Variants in HOOK3 observed in about 807,000 individuals in gnomAD.
The protein encoded by HOOK3 is protein Hook homolog 3.
HOOK3 carries 24 observed loss-of-function variants against 116.3 expected under a neutral mutation model. The ratio of observed to expected loss-of-function variants is 0.21; its 90% CI spans 0.15 to 0.29. The LOEUF is 0.29. HOOK3 is among the 10% of genes least tolerant of loss of function. The pLI is 1.00. For missense variants in HOOK3, 632 were observed against 830.2 expected (o/e 0.76, Z 2.93); for synonymous variants, 275 against 283.0 (o/e 0.97, Z 0.28).
intron 11 of HOOK3, among the ~76,000 whole-genome samples, chr8:42,972,679 C>T (rs1226923925): frequency 2.6e-5 from 4 of 152,276 alleles, no homozygotes; most frequent in East Asian, 1.9e-4. Flanking sequence ...GGATTACAGG[C>T]GTGAGCCACT....
At position 43,023,676 on chromosome 8, in the gene HOOK3, G is replaced by T; in HGVS notation, c.*5178G>T. On this transcript the variant is annotated 3_prime_UTR_variant, in exon 22 of 22. Transcript: ENST00000307602. ...GGGTTTCACCATGTTGGCCAGGCTG[G>T]TCTCTAACTCCTGACCTCAGGTGAT... is the stretch of plus-strand genomic sequence containing the variant. 1 of 178,726 alleles carries T rather than the reference G, an allele frequency of 5.6e-6. No individual in the cohort carries two copies. Among genetic ancestry groups the T allele is most frequent in the Non-Finnish European group, 1.2e-5 (1 of 83,356 alleles). 11.1% of individuals were successfully genotyped at this position (178,726 alleles called of 1,614,324 possible).
At chr8:42,909,537 C>T (rs1807381472) in intron 2 of HOOK3, among the ~76,000 whole-genome samples, 4 of 152,222 alleles carry the variant, frequency 2.6e-5, no homozygotes, top group Admixed American at 2.6e-4. Flanking sequence ...GACCAGGGCT[C>T]ACTGCAGCCT....
At position 43,024,829 on chromosome 8, in the gene HOOK3, C is replaced by A. The variant is rs1274668080; in HGVS notation, c.*6331C>A. ...CTAACAGAGCTAATTTCCACCCAATCCCTCAAATTACCGAAGTATTAATAT... is the reference window on the plus strand; with the variant it reads ...CTAACAGAGCTAATTTCCACCCAATACCTCAAATTACCGAAGTATTAATAT... On this transcript the variant is annotated 3_prime_UTR_variant, in exon 22 of 22. Transcript: ENST00000307602. 3 of 206,712 alleles carry A rather than the reference C, an allele frequency of 1.5e-5. No individual in the cohort carries two copies. Among genetic ancestry groups the A allele is most frequent in the African/African-American group, 2.3e-5 (1 of 43,852 alleles). 12.8% of individuals were successfully genotyped at this position (206,712 alleles called of 1,614,324 possible).
chr8:42,973,733 AGC>A (rs1808768110), intron 12 of HOOK3, among the ~76,000 whole-genome samples: 2 of 152,190 alleles, frequency 1.3e-5, no homozygotes, highest in African/African-American at 4.8e-5. Flanking sequence ...TTTGTTGTTC[AGC>A]ATATTTCAAA....
At chr8:42,917,827 T>C (rs528653510) in intron 2 of HOOK3, among the ~76,000 whole-genome samples, 3 of 152,374 alleles carry the variant, frequency 2.0e-5, no homozygotes, top group African/African-American at 7.2e-5. Flanking sequence ...ATCCATTATG[T>C]ACCTGTATTG....
rs1471871351 is a variant in HOOK3 at position 42,897,091 on chromosome 8, T to TCTGGC, written c.-39_-35dup. 4 of 1,236,432 alleles carry TCTGGC rather than the reference T, an allele frequency of 3.2e-6. No individual in the cohort carries two copies. The African/African-American group carries it at 6.3e-5, about 19-fold the overall frequency. The allele number at this position is 1,236,432 out of a possible 1,614,324, so 76.6% of individuals were successfully genotyped here. A position where few individuals can be genotyped will look rare whatever the true frequency, so the allele number is the denominator to read the frequency against. On this transcript the variant is annotated 5_prime_UTR_variant, in exon 1 of 22. Coordinates refer to ENST00000307602, the MANE Select transcript of HOOK3 (RefSeq NM_032410.4). ...ATCCCCCGACAGAGCGGCGGCGGTG[T>TCTGGC]CTGGCCAGGCGGTAGGCGCTGCCTG...
At chr8:43,011,340 G>A (rs936780203) in intron 19 of HOOK3, among the ~76,000 whole-genome samples, 2 of 152,090 alleles carry the variant, frequency 1.3e-5, no homozygotes, top group Admixed American at 6.6e-5. Flanking sequence ...GATTATGTAA[G>A]TTAATATCTT....
chr8:42,996,894 CTTTTTTTTTTT>C (rs60094537), intron 15 of HOOK3, among the ~76,000 whole-genome samples: 13,207 of 77,670 alleles, frequency 0.17, 632 homozygotes, highest in African/African-American at 0.33. Flanking sequence ...GGGCAGGGAT[CTTTTTTTTTTT>C]TTTTTTTTTT....
chr8:42,954,594 T>G (rs1215224415), intron 6 of HOOK3, among the ~76,000 whole-genome samples: 1 of 152,236 alleles, frequency 6.6e-6, no homozygotes, highest in African/African-American at 2.4e-5. Flanking sequence ...TAAAGTTGTA[T>G]GTAAAAGAGA....
Position 42,950,472 on chromosome 8 carries a change from T to A in HOOK3, c.468+17T>A. 8 of 1,564,952 alleles carry A rather than the reference T, an allele frequency of 5.1e-6. No individual in the cohort carries two copies. Among genetic ancestry groups the A allele is most frequent in the Non-Finnish European group, 6.1e-6 (7 of 1,138,634 alleles). ...ATTCAAGAGGTATGTTGGAGCTTCATGCTTATAGTTTATGAAAAATTAAAG... is the reference window on the plus strand; with the variant it reads ...ATTCAAGAGGTATGTTGGAGCTTCAAGCTTATAGTTTATGAAAAATTAAAG... On this transcript the variant is annotated intron_variant, in intron 6 of 21. Coordinates refer to ENST00000307602, the MANE Select transcript of HOOK3 (RefSeq NM_032410.4).
At chr8:42,914,909 G>A (rs1807501696) in intron 2 of HOOK3, among the ~76,000 whole-genome samples, 1 of 152,170 alleles carries the variant, frequency 6.6e-6, no homozygotes, top group Admixed American at 6.6e-5. Flanking sequence ...TTGAGGTCAG[G>A]ACTTCAAGAT....
chr8:42,934,613 G>T (rs111428057), intron 4 of HOOK3, among the ~76,000 whole-genome samples: 1 of 151,516 alleles, frequency 6.6e-6, no homozygotes, highest in African/African-American at 2.4e-5. Context: ...TCACTGTTCA[G>T]TTCCCACCCA....
chr8:42,926,043 G>A (rs1392977513), intron 3 of HOOK3, among the ~76,000 whole-genome samples: 2 of 152,118 alleles, frequency 1.3e-5, no homozygotes, highest in Non-Finnish European at 2.9e-5. Flanking sequence ...ATTATTAACT[G>A]TATCGTAAAC....
At chr8:42,953,870 C>T (rs1370052684) in intron 6 of HOOK3, among the ~76,000 whole-genome samples, 1 of 152,050 alleles carries the variant, frequency 6.6e-6, no homozygotes, top group Non-Finnish European at 1.5e-5. Flanking sequence ...TGCTCAGGTT[C>T]GCATAGAAGT....
intron 17 of HOOK3, among the ~76,000 whole-genome samples, chr8:43,002,570 T>C (rs190460924): frequency 1.1e-3 from 160 of 152,342 alleles, no homozygotes; most frequent in African/African-American, 3.5e-3. Context: ...AGTAAAACTT[T>C]ATAGATACGA....
chr8:42,943,534 ACAGTAACAT>A, intron 5 of HOOK3, 89 bp downstream of exon 5: 1 of 854,592 alleles, frequency 1.2e-6, no homozygotes, highest in Non-Finnish European at 1.6e-6. Context: ...ACCAGTACCA[ACAGTAACAT>A]CTGTTTAAGG....
intron 3 of HOOK3, 91 bp from the exon 4 acceptor site, chr8:42,930,031 C>A: frequency 1.9e-6 from 2 of 1,060,184 alleles, no homozygotes; most frequent in South Asian, 1.6e-5. Flanking sequence ...TGATTAACTG[C>A]AGTGATTGGT....
rs1809977863 is a variant in HOOK3 at position 43,028,815 on chromosome 8, CA to C, written c.*10319del. 5.0e-6 allele frequency: 1 copy of C among 198,366 alleles called. No individual in the cohort carries two copies. The highest frequency in any genetic ancestry group is 1.0e-5 in the Non-Finnish European group (1 of 95,936). 12.3% of individuals were successfully genotyped at this position (198,366 alleles called of 1,614,324 possible). A position where few individuals can be genotyped will look rare whatever the true frequency, so the allele number is the denominator to read the frequency against. Reference sequence around the variant, plus strand: ...TCCTTTTGAGTCAGCTTGGTGCTTACAATTATTTTGTTAGGAAATCTTGATG... The same window carrying C: ...TCCTTTTGAGTCAGCTTGGTGCTTACATTATTTTGTTAGGAAATCTTGATG... On this transcript the variant is annotated 3_prime_UTR_variant, in exon 22 of 22. Transcript: ENST00000307602.
intron 17 of HOOK3, among the ~76,000 whole-genome samples, chr8:43,007,192 A>G (rs1024706161): frequency 7.2e-5 from 11 of 151,862 alleles, no homozygotes; most frequent in East Asian, 1.9e-4. Flanking sequence ...TAATTTTTCT[A>G]TTTTTAGCAG....
Sources: allele counts gnomAD v4.1 joint callset (sites outside exome capture counted in the v4.1 genomes callset), GRCh38; gene constraint gnomAD v4.1.1; transcripts MANE v1.5; gene names NCBI Gene and HGNC (gene_info 2026-07-23, HGNC 2026-07-21).